The following ACAP2 variants were observed in gnomAD, a reference collection of about 807,000 sequenced individuals.
ACAP2 encodes ArfGAP with coiled-coil, ankyrin repeat and PH domains 2, also known as arf-GAP with coiled-coil, ANK repeat and PH domain-containing protein 2.
In ACAP2, 39 loss-of-function variants were observed where a neutral mutation model predicts 115.8. The observed-to-expected ratio is 0.34, with a 90% CI of 0.26 to 0.44. The LOEUF (loss-of-function observed/expected upper bound fraction) is 0.44. ACAP2 is among the 20% of genes least tolerant of loss of function. The pLI, the probability that ACAP2 is intolerant of heterozygous loss-of-function variation, is 1.00. For synonymous variants in ACAP2, 289 were observed against 315.8 expected (o/e 0.92, Z 0.90); for missense variants, 662 against 927.6 (o/e 0.71, Z 3.72).
At chr3:195,317,430 T>A (rs569954651) in intron 10 of ACAP2, among the ~76,000 whole-genome samples, 13 of 152,296 alleles carry the variant, frequency 8.5e-5, no homozygotes, top group Non-Finnish European at 1.8e-4. Context: ...AATAATATAA[T>A]AGTAAATCAA....
intron 20 of ACAP2, among the ~76,000 whole-genome samples, chr3:195,290,826 AAATAAATAAATAAATAAATAAAT>A (rs1487034254): frequency 4.1e-5 from 5 of 123,008 alleles, no homozygotes; most frequent in African/African-American, 1.3e-4. Flanking sequence ...ATAAATAAAT[AAATAAATAAATAAATAAATAAAT>A]AATAAATAAA....
chr3:195,315,506 T>G (rs1410576506), intron 10 of ACAP2, among the ~76,000 whole-genome samples: 1 of 152,234 alleles, frequency 6.6e-6, no homozygotes, highest in Non-Finnish European at 1.5e-5. Context: ...TCTATCAAAA[T>G]AAAGATGGTT....
At chr3:195,303,903 T>C (rs1728234942) in intron 13 of ACAP2, among the ~76,000 whole-genome samples, 1 of 152,168 alleles carries the variant, frequency 6.6e-6, no homozygotes, top group Non-Finnish European at 1.5e-5. Context: ...AGCTCATGCC[T>C]GTAATCTCAG....
At chr3:195,439,071 A>G (rs1043609159) in intron 1 of ACAP2, among the ~76,000 whole-genome samples, 4 of 152,112 alleles carry the variant, frequency 2.6e-5, no homozygotes, top group African/African-American at 9.7e-5. Context: ...CAAAAAAAAA[A>G]AGAATCATAT....
rs113189803 is a variant in ACAP2, at chr3:195,372,640, AG to A, written c.285+8368del. Among the ~76,000 whole-genome samples, 33 of 152,178 alleles carry A rather than the reference AG, an allele frequency of 2.2e-4. 1 individual carries two copies. The highest frequency in any genetic ancestry group is 7.9e-4 in the African/African-American group (33 of 41,544). The stretch of plus-strand genomic sequence containing the variant: ...AGTTCAAGACCAGCCTGGGCAACAC[AG>A]GAAGACCCCCGCTCTACAAAAAAAA... On this transcript the variant is annotated intron_variant, in intron 4 of 22. Transcript: ENST00000326793.
intron 15 of ACAP2, 22 bp downstream of exon 15, chr3:195,301,553 T>C (rs576437902): frequency 8.9e-6 from 14 of 1,565,558 alleles, no homozygotes; most frequent in African/African-American, 5.5e-5. Context: ...ATGAAATATT[T>C]TAAAGCAAAA....
chr3:195,406,045 C>T (rs552428730), intron 1 of ACAP2, among the ~76,000 whole-genome samples: 9 of 152,138 alleles, frequency 5.9e-5, no homozygotes, highest in Middle Eastern at 3.4e-3. Context: ...GAGATTTGGG[C>T]GGGGACACAG....
Position 195,340,612 on chromosome 3 carries a change from G to A in ACAP2, c.528+1859C>T, listed in dbSNP as rs575860823. 7.2e-5 allele frequency among the ~76,000 whole-genome samples: 11 copies of A among 152,292 alleles called. No individual in the cohort carries two copies. The South Asian group carries it at 1.4e-3, about 20-fold the overall frequency. On this transcript the variant is annotated intron_variant, in intron 6 of 22. Coordinates refer to ENST00000326793, the MANE Select transcript of ACAP2 (RefSeq NM_012287.6). ...TAGAAGTTGGGAGGAAGACCTAAAA[G>A]CAGTTTCAGATAAATCAAGATAAAA...
At chr3:195,294,455 G>C (rs1036881572) in intron 18 of ACAP2, among the ~76,000 whole-genome samples, 1 of 151,244 alleles carries the variant, frequency 6.6e-6, no homozygotes, top group Non-Finnish European at 1.5e-5. Flanking sequence ...GTGGGCGCCT[G>C]TAATCCCAGC....
At chr3:195,286,739 C>G (rs1008781813) in intron 21 of ACAP2, among the ~76,000 whole-genome samples, 1 of 152,192 alleles carries the variant, frequency 6.6e-6, no homozygotes, top group Non-Finnish European at 1.5e-5. Flanking sequence ...ACAGAGGATG[C>G]TTACAAAAAT....
intron 18 of ACAP2, 105 bp downstream of exon 18, chr3:195,294,611 ATAT>A (rs371833041): frequency 0.37 from 27,664 of 75,248 alleles, 3,448 homozygotes; most frequent in Middle Eastern, 0.54. Flanking sequence ...AAAAAAAATT[ATAT>A]ATATATATAT....
chr3:195,379,937 C>T (rs1374766483), intron 4 of ACAP2, among the ~76,000 whole-genome samples: 1 of 152,132 alleles, frequency 6.6e-6, no homozygotes, highest in African/African-American at 2.4e-5. Flanking sequence ...CAATGAGATA[C>T]CACTTCACAC....
At chr3:195,367,938 G>T (rs1732843539) in intron 4 of ACAP2, among the ~76,000 whole-genome samples, 1 of 152,180 alleles carries the variant, frequency 6.6e-6, no homozygotes, top group Admixed American at 6.5e-5. Context: ...AGCCCCACTT[G>T]GTGGCTGTTT....
chr3:195,327,634 TAA>T (rs1287867207), intron 8 of ACAP2, among the ~76,000 whole-genome samples: 4 of 152,044 alleles, frequency 2.6e-5, no homozygotes, highest in Non-Finnish European at 4.4e-5. Flanking sequence ...AAAAACTTAA[TAA>T]AACCATAAAA....
At chr3:195,335,797 C>T (rs550640404) in intron 7 of ACAP2, 83 of 151,204 alleles carry the variant, frequency 5.5e-4, no homozygotes, top group African/African-American at 1.8e-3. Flanking sequence ...AAAAGTAAGT[C>T]AGTAAGTAAT....
intron 22 of ACAP2, chr3:195,280,870 GATT>G (rs1726456048): frequency 6.6e-6 from 1 of 152,240 alleles, no homozygotes; most frequent in Admixed American, 6.5e-5. Context: ...TACTGTTTTT[GATT>G]ATTATTGTAA....
chr3:195,436,064 G>A (rs1715514523), intron 1 of ACAP2, among the ~76,000 whole-genome samples: 1 of 151,068 alleles, frequency 6.6e-6, no homozygotes, highest in African/African-American at 2.4e-5. Context: ...CTTTCTTATG[G>A]ATTGACCCTT....
chr3:195,302,758 A>G (rs886557678), intron 13 of ACAP2, among the ~76,000 whole-genome samples: 1 of 152,206 alleles, frequency 6.6e-6, no homozygotes, highest in African/African-American at 2.4e-5. Flanking sequence ...ATTAGGTAAA[A>G]GAGAAGAAAA....
At chr3:195,374,088 G>T (rs540394605) in intron 4 of ACAP2, among the ~76,000 whole-genome samples, 1 of 152,028 alleles carries the variant, frequency 6.6e-6, no homozygotes, top group Non-Finnish European at 1.5e-5. Context: ...CTGCAGAAAG[G>T]CTTCATTATT....
Sources: allele counts gnomAD v4.1 joint callset (sites outside exome capture counted in the v4.1 genomes callset), GRCh38; gene constraint gnomAD v4.1.1; transcripts MANE v1.5; gene names NCBI Gene and HGNC (gene_info 2026-07-23, HGNC 2026-07-21).